CAPN8: variants seen among roughly 807,000 people sequenced by gnomAD.
The protein encoded by CAPN8 is calpain-8.
CAPN8 carries 87 observed loss-of-function variants against 80.9 expected under a neutral mutation model. The ratio of observed to expected loss-of-function variants is 1.07; its 90% CI spans 0.90 to 1.28. CAPN8 has a LOEUF of 1.28. Among genes scored for constraint, CAPN8 ranks in the 50% most tolerant of loss-of-function variants. CAPN8 has a pLI of 0.00. For synonymous variants in CAPN8, 299 were observed against 273.8 expected (o/e 1.09, Z -0.91); for missense variants, 757 against 702.0 (o/e 1.08, Z -0.89).
chr1:223,611,277 A>G (rs1558339396), intron 11 of CAPN8, among the ~76,000 whole-genome samples: 1 of 152,230 alleles, frequency 6.6e-6, no homozygotes, highest in Non-Finnish European at 1.5e-5. Flanking sequence ...GAAACAGGGA[A>G]GAGGTGAAAG....
At chr1:223,631,415 C>T (rs1034329854) in intron 2 of CAPN8, among the ~76,000 whole-genome samples, 5 of 152,096 alleles carry the variant, frequency 3.3e-5, no homozygotes, top group African/African-American at 1.2e-4. Flanking sequence ...GCCTGTCTTA[C>T]CAGCACCAAG....
intron 2 of CAPN8, among the ~76,000 whole-genome samples, chr1:223,632,532 C>T (rs1448060855): frequency 2.6e-5 from 4 of 152,124 alleles, no homozygotes; most frequent in South Asian, 4.2e-4. Context: ...GCCACCATGC[C>T]GAGCTATTTT....
At position 223,628,064 on chromosome 1, in the gene CAPN8, G is replaced by A; in HGVS notation, c.505C>T (p.His169Tyr). The stretch of plus-strand genomic sequence containing the variant: ...CAGAATTCATTGCCTTGTTCCGAGT[G>A]TAGGAAGAGCAGCTGTCCATTCTTG... ...PTKNGQLLFL[H>Y]SEQGNEFWSA... The change falls in exon 4 of 21, where the codon CAC becomes TAC. Residue 169 changes from histidine to tyrosine, a missense_variant. By Grantham distance (83) the His-to-Tyr change is moderately conservative. Transcript: ENST00000366872. 1.3e-6 allele frequency: 2 copies of A among 1,551,454 alleles called. No individual in the cohort carries two copies. Among genetic ancestry groups the A allele is most frequent in the Non-Finnish European group, 1.7e-6 (2 of 1,146,848 alleles).
chr1:223,665,232 G>A (rs1229313458), intron 1 of CAPN8, among the ~76,000 whole-genome samples, 178 bp downstream of exon 1: 2 of 152,142 alleles, frequency 1.3e-5, no homozygotes, highest in Non-Finnish European at 1.5e-5. Flanking sequence ...CAGCCTGGGT[G>A]ACAGAGCAAG....
chr1:223,630,572 G>C (rs530313191), intron 2 of CAPN8, among the ~76,000 whole-genome samples: 1 of 151,946 alleles, frequency 6.6e-6, no homozygotes, highest in Non-Finnish European at 1.5e-5. Flanking sequence ...CTGGACTCAA[G>C]TGATCCTCCC....
intron 2 of CAPN8, among the ~76,000 whole-genome samples, chr1:223,643,889 G>A (rs11584610): frequency 0.38 from 58,033 of 151,964 alleles, 12,416 homozygotes; most frequent in Non-Finnish European, 0.49. Context: ...TCTGTCCAGC[G>A]CGTACAGTAC....
rs1657307379 is a variant in CAPN8, at chr1:223,619,385, A to G, written c.1043T>C (p.Leu348Pro). ...CCATTTGTGCACCTCCTCGCTACTC[A>G]GAGAGTCCGGGGACAGGTTGCAGAT... is the stretch of plus-strand genomic sequence containing the variant. The part of the protein sequence containing the change: ...LEICNLSPDS[L>P]SSEEVHKWNL... Residue 348 changes from leucine (L) to proline (P), a missense_variant, in exon 9 of 21, where the codon CTG (leucine) becomes CCG (proline). By Grantham distance (98) the Leu-to-Pro change is moderately conservative. Coordinates refer to ENST00000366872, the MANE Select transcript of CAPN8 (RefSeq NM_001143962.2). The G allele has an allele frequency of 8.4e-6, 13 of 1,551,710 alleles. No homozygotes were observed. The highest frequency in any genetic ancestry group is 1.1e-5 in the Non-Finnish European group (13 of 1,147,010).
At chr1:223,631,205 C>G (rs1360455896) in intron 2 of CAPN8, among the ~76,000 whole-genome samples, 1 of 152,124 alleles carries the variant, frequency 6.6e-6, no homozygotes, top group Non-Finnish European at 1.5e-5. Context: ...CTTACCCCTT[C>G]TCCATGAAGC....
chr1:223,613,258 T>C (rs1310554425), intron 10 of CAPN8, among the ~76,000 whole-genome samples: 1 of 152,214 alleles, frequency 6.6e-6, no homozygotes, highest in Non-Finnish European at 1.5e-5. Context: ...GGAGCCCCCA[T>C]GGGTCATTGG....
rs1001512117 is a variant in CAPN8, at chr1:223,549,335, T to C, written c.1747A>G (p.Met583Val). 5 of 1,551,848 alleles carry C rather than the reference T, an allele frequency of 3.2e-6. No individual in the cohort carries two copies. The highest frequency in any genetic ancestry group is 2.4e-5 in the East Asian group (1 of 40,922). The change falls in exon 16 of 21, where the codon ATG becomes GTG. Residue 583 changes from methionine to valine, a missense_variant. By Grantham distance (21) the Met-to-Val change is conservative. Transcript: ENST00000366872. ...AAGGATACATCCAACAGACTGATCA[T>C]TTCCCTGCAAGTGTTGATGTTGAAT... ...DGFNINTCRE[M>V]ISLLDSNGTG...
intron 10 of CAPN8, 182 bp downstream of exon 10, chr1:223,615,788 G>C: frequency 1.4e-6 from 1 of 731,522 alleles, no homozygotes; most frequent in Non-Finnish European, 2.4e-6. Flanking sequence ...CCATAGGAAT[G>C]AATCTCTAAA....
chr1:223,646,025 G>T (rs530261613), intron 2 of CAPN8, among the ~76,000 whole-genome samples: 37 of 152,280 alleles, frequency 2.4e-4, no homozygotes, highest in Non-Finnish European at 1.5e-5. Flanking sequence ...GCACTGTGGG[G>T]AAAATAGACT....
chr1:223,647,925 T>C (rs1436885036), intron 2 of CAPN8, among the ~76,000 whole-genome samples: 1 of 152,180 alleles, frequency 6.6e-6, no homozygotes, highest in Non-Finnish European at 1.5e-5. Flanking sequence ...TCATGTGATA[T>C]GAAAATCACC....
chr1:223,665,326 C>A (rs1296107210), intron 1 of CAPN8, 84 bp downstream of exon 1: 8 of 1,112,252 alleles, frequency 7.2e-6, no homozygotes, highest in Admixed American at 2.3e-5. Flanking sequence ...GGTCCACAGC[C>A]TCAACTTCTC....
intron 2 of CAPN8, among the ~76,000 whole-genome samples, chr1:223,629,329 G>A (rs188398756): frequency 0.032 from 4,782 of 151,756 alleles, 138 homozygotes; most frequent in Non-Finnish European, 0.039. Context: ...TTCACCAGGA[G>A]AGCCTTGATG....
chr1:223,641,093 C>T (rs1050070137), intron 2 of CAPN8, among the ~76,000 whole-genome samples: 13 of 152,062 alleles, frequency 8.5e-5, no homozygotes, highest in Non-Finnish European at 1.0e-4. Context: ...TATTGAAGGA[C>T]GGCCTTGGAG....
At chr1:223,652,418 T>C (rs1658366786) in intron 2 of CAPN8, among the ~76,000 whole-genome samples, 1 of 152,166 alleles carries the variant, frequency 6.6e-6, no homozygotes, top group Admixed American at 6.5e-5. Flanking sequence ...TGTTGTACTC[T>C]GAAAAACCAA....
At position 223,628,719 on chromosome 1, in the gene CAPN8, C is replaced by G; in HGVS notation, c.369G>C (p.Arg123=). ...SLTLNEELLY[R]VVPRDQDFQE... is the part of the protein sequence containing the mutation. Reference sequence around the variant, plus strand: ...GGAAGTCCTGGTCCCTGGGGACCACCCGGTAAAGCAGCTCTTCATTCAGGG... The same window carrying G: ...GGAAGTCCTGGTCCCTGGGGACCACGCGGTAAAGCAGCTCTTCATTCAGGG... The change falls in exon 3 of 21, where the codon CGG becomes CGC. Residue 123 remains arginine, a synonymous_variant. Transcript: ENST00000366872. 6.4e-7 allele frequency: 1 copy of G among 1,552,088 alleles called. No homozygotes were observed. Among genetic ancestry groups the G allele is most frequent in the South Asian group, 1.2e-5 (1 of 84,076 alleles).
At chr1:223,645,708 G>A (rs988261359) in intron 2 of CAPN8, among the ~76,000 whole-genome samples, 1 of 152,196 alleles carries the variant, frequency 6.6e-6, no homozygotes, top group Non-Finnish European at 1.5e-5. Context: ...GGGGCCACAG[G>A]TGGCAGAGCA....
Sources: allele counts gnomAD v4.1 joint callset (sites outside exome capture counted in the v4.1 genomes callset), GRCh38; gene constraint gnomAD v4.1.1; transcripts MANE v1.5; gene names NCBI Gene and HGNC (gene_info 2026-07-23, HGNC 2026-07-21).